CPNE4: variants seen among roughly 807,000 people sequenced by gnomAD.
CPNE4 encodes copine 4.
A neutral mutation model predicts 67.9 loss-of-function variants in CPNE4; 25 were observed. The ratio of observed to expected loss-of-function variants is 0.37; its 90% CI spans 0.27 to 0.51. CPNE4 has a LOEUF of 0.51. Ranked by LOEUF, CPNE4 falls within the 20% of genes least tolerant of loss-of-function variation. The pLI is 0.93. For missense variants in CPNE4, 464 were observed against 690.8 expected, an observed-to-expected ratio of 0.67 and a Z score of 3.68; for synonymous variants, 242 against 244.9, an observed-to-expected ratio of 0.99 and a Z score of 0.11.
At chr3:131,957,947 GGATGT>G (rs1161494136) in intron 1 of CPNE4, among the ~76,000 whole-genome samples, 3 of 152,208 alleles carry the variant, frequency 2.0e-5, no homozygotes, top group African/African-American at 7.2e-5. Context: ...GGGGGGAGAA[GGATGT>G]AAGCTAGAGA....
rs112413305 is a variant in CPNE4, at chr3:131,644,241, G to A, written c.681+25434C>T. On this transcript the variant is annotated intron_variant, in intron 7 of 15. Transcript: ENST00000429747. The stretch of plus-strand genomic sequence containing the variant: ...CGGCTCACTGCAAGATCTGTCTCCC[G>A]GGTTCAAGCCATTCTCCTGCCTCAA... Among the ~76,000 whole-genome samples, 1,366 of 151,946 alleles carry A rather than the reference G, an allele frequency of 9.0e-3. 16 individuals carry two copies. Among genetic ancestry groups the A allele is most frequent in the African/African-American group, 0.031 (1,301 of 41,428 alleles).
chr3:132,038,004 T>TTTC (rs11384493), upstream of CPNE4: 2 of 4,106 alleles, frequency 4.9e-4, no homozygotes, highest in African/African-American at 8.6e-3. Flanking sequence ...ATTTTCTTTC[T>TTTC]TTTTTTTTTT....
chr3:131,791,001 TC>T (rs1426260363), intron 2 of CPNE4, among the ~76,000 whole-genome samples: 1 of 152,172 alleles, frequency 6.6e-6, no homozygotes, highest in Non-Finnish European at 1.5e-5. Flanking sequence ...GATTGAGTTT[TC>T]ATTACAATTT....
intron 1 of CPNE4, among the ~76,000 whole-genome samples, chr3:131,998,205 A>G (rs1218790791): frequency 6.6e-6 from 1 of 152,238 alleles, no homozygotes; most frequent in East Asian, 1.9e-4. Flanking sequence ...CTTGAACCTC[A>G]AAGATCCCCT....
intron 7 of CPNE4, among the ~76,000 whole-genome samples, chr3:131,591,906 A>T (rs115967349): frequency 0.021 from 3,160 of 152,302 alleles, 121 homozygotes; most frequent in African/African-American, 0.072. Context: ...TGAATCAATA[A>T]GAAGGCCTTG....
chr3:131,654,802 AT>A (rs909556610), intron 7 of CPNE4, among the ~76,000 whole-genome samples: 6 of 152,240 alleles, frequency 3.9e-5, no homozygotes, highest in South Asian at 4.1e-4. Context: ...CTAGAGACAT[AT>A]TTTTTTATTA....
chr3:131,869,133 C>G (rs2087086434), intron 2 of CPNE4, among the ~76,000 whole-genome samples: 1 of 152,154 alleles, frequency 6.6e-6, no homozygotes, highest in Admixed American at 6.5e-5. Context: ...ATTCTCTCAA[C>G]CCCTCCATAT....
chr3:131,681,998 T>C (rs910839617), intron 6 of CPNE4, among the ~76,000 whole-genome samples: 12 of 152,048 alleles, frequency 7.9e-5, no homozygotes, highest in African/African-American at 2.9e-4. Flanking sequence ...TCAATCTCTT[T>C]GTTAAATTTA....
chr3:131,615,880 ATCTC>A (rs145188802), intron 7 of CPNE4, among the ~76,000 whole-genome samples: 2 of 135,660 alleles, frequency 1.5e-5, no homozygotes, highest in African/African-American at 5.4e-5. Context: ...GCAAAACCCC[ATCTC>A]TCTCTCTCAC....
chr3:131,663,592 A>G (rs1426725234), intron 7 of CPNE4, among the ~76,000 whole-genome samples: 1 of 152,202 alleles, frequency 6.6e-6, no homozygotes, highest in Non-Finnish European at 1.5e-5. Flanking sequence ...GAAAATTGTT[A>G]AAATGAAGAC....
intron 1 of CPNE4, among the ~76,000 whole-genome samples, chr3:131,909,590 T>C (rs2088899794): frequency 6.6e-6 from 1 of 152,160 alleles, no homozygotes; most frequent in African/African-American, 2.4e-5. Flanking sequence ...TCTTATTGAA[T>C]GTAAAAAAAA....
intron 1 of CPNE4, among the ~76,000 whole-genome samples, chr3:131,942,077 T>C (rs1218221594): frequency 6.6e-6 from 1 of 152,018 alleles, no homozygotes; most frequent in Admixed American, 6.6e-5. Context: ...AATTGAAAAA[T>C]ATTTTGTAAA....
intron 1 of CPNE4, among the ~76,000 whole-genome samples, chr3:131,954,068 T>C (rs1311741861): frequency 2.0e-5 from 3 of 151,774 alleles, no homozygotes; most frequent in African/African-American, 7.3e-5. Flanking sequence ...AAACTAGAAA[T>C]GTAAAAGAGA....
intron 2 of CPNE4, among the ~76,000 whole-genome samples, chr3:131,773,509 G>A (rs1470611915): frequency 4.0e-5 from 6 of 151,792 alleles, no homozygotes; most frequent in Admixed American, 6.6e-5. Flanking sequence ...CACCATGCCC[G>A]GCTAATTTTT....
chr3:131,955,051 T>C (rs368634903), intron 1 of CPNE4, among the ~76,000 whole-genome samples: 6 of 151,616 alleles, frequency 4.0e-5, no homozygotes, highest in East Asian at 3.9e-4. Flanking sequence ...AGAAATCGCA[T>C]GTTCCATCTT....
At chr3:131,646,268 A>G (rs983325048) in intron 7 of CPNE4, among the ~76,000 whole-genome samples, 2 of 152,190 alleles carry the variant, frequency 1.3e-5, no homozygotes, top group African/African-American at 2.4e-5. Context: ...CTTCTGTAAA[A>G]TGAATCAATA....
chr3:131,660,345 G>A (rs915108311), intron 7 of CPNE4, among the ~76,000 whole-genome samples: 3 of 107,536 alleles, frequency 2.8e-5, no homozygotes, highest in African/African-American at 5.9e-5. Context: ...GCAGAGGAGG[G>A]GTCCCATTAG....
chr3:131,764,079 T>TC (rs902196628), intron 2 of CPNE4, among the ~76,000 whole-genome samples: 5 of 152,028 alleles, frequency 3.3e-5, no homozygotes, highest in Admixed American at 6.6e-5. Flanking sequence ...TTGCCCAAAG[T>TC]CCCATGGCTG....
chr3:131,909,369 T>C (rs1218337736), intron 1 of CPNE4, among the ~76,000 whole-genome samples: 4 of 152,168 alleles, frequency 2.6e-5, no homozygotes, highest in African/African-American at 9.6e-5. Context: ...ATATAAAAGA[T>C]AGTCACATGT....
Sources: gnomAD v4.1 joint callset for allele counts (sites outside exome capture counted in the v4.1 genomes callset) on GRCh38, gnomAD v4.1.1 for gene constraint, MANE v1.5 for transcripts, NCBI Gene and HGNC (gene_info 2026-07-23, HGNC 2026-07-21) for gene names.